The following SSC5D variants were observed in gnomAD, a reference collection of about 807,000 sequenced individuals.
SSC5D encodes the protein soluble scavenger receptor cysteine-rich domain-containing protein SSC5D.
In SSC5D, 106 loss-of-function variants were observed where a neutral mutation model predicts 104.6. The observed-to-expected ratio is 1.01, with a 90% CI of 0.87 to 1.19. SSC5D has a LOEUF of 1.19. Among genes scored for constraint, SSC5D ranks in the 50% most tolerant of loss-of-function variants. The pLI is 0.00. For missense variants in SSC5D, 1,993 were observed against 2,153.8 expected (o/e 0.93, Z 1.48); for synonymous variants, 860 against 883.5 (o/e 0.97, Z 0.47).
At chr19:55,508,544 A>G (rs1987687852) in intron 12 of SSC5D, among the ~76,000 whole-genome samples, 1 of 152,186 alleles carries the variant, frequency 6.6e-6, no homozygotes, top group Non-Finnish European at 1.5e-5. Flanking sequence ...CAAAAGGCTG[A>G]ACTTGGATTC....
In SSC5D at chr19:55,502,528, C is replaced by A. The variant is rs112423643; in HGVS notation, c.2785+1327C>A. On this transcript the variant is annotated intron_variant, in intron 12 of 13. Coordinates refer to ENST00000389623, the MANE Select transcript of SSC5D (RefSeq NM_001144950.2). ...TCTTTTTGTTTCATTATCAGTCTCA[C>A]ACTCTCATCTCTGTTTCTCACCTAG... Among the ~76,000 whole-genome samples, 439 of 152,044 alleles carry A rather than the reference C, an allele frequency of 2.9e-3. 5 individuals carry two copies. Among genetic ancestry groups the A allele is most frequent in the African/African-American group, 9.9e-3 (412 of 41,456 alleles).
At chr19:55,491,905 G>C (rs1440987132) in intron 6 of SSC5D, 1 of 152,334 alleles carries the variant, frequency 6.6e-6, no homozygotes, top group Admixed American at 6.5e-5. Flanking sequence ...GCAGGCAGAG[G>C]GCACCCACCT....
chr19:55,488,737 C>T, intron 1 of SSC5D, 123 bp downstream of exon 1: 4 of 891,680 alleles, frequency 4.5e-6, no homozygotes, highest in Non-Finnish European at 1.8e-6. Flanking sequence ...CATACCCTGA[C>T]ATCCCTTCTG....
At chr19:55,499,157 G>A (rs1295943738) in intron 9 of SSC5D, among the ~76,000 whole-genome samples, 1 of 152,178 alleles carries the variant, frequency 6.6e-6, no homozygotes, top group East Asian at 1.9e-4. Context: ...AAGTGCCCCA[G>A]GGAAAAAAAT....
At position 55,489,538 on chromosome 19, in the gene SSC5D, A is replaced by G. The variant is rs1320523327; in HGVS notation, c.237A>G (p.Ala79=). Residue 79 remains alanine (A), a synonymous_variant, in exon 3 of 14, where the codon GCA becomes GCG. Coordinates refer to ENST00000389623, the MANE Select transcript of SSC5D (RefSeq NM_001144950.2). ...APGGAFFGEG[A]GPVWLSELAC... is the part of the protein sequence containing the mutation. ...GAGGCGCCTTCTTCGGGGAGGGGGC[A>G]GGGCCTGTGTGGCTCAGCGAGCTGG... The G allele has an allele frequency of 6.7e-7, 1 of 1,486,416 alleles. No individual in the cohort carries two copies. Among genetic ancestry groups the G allele is most frequent in the Non-Finnish European group, 8.9e-7 (1 of 1,123,940 alleles). The allele number at this position is 1,486,416 out of a possible 1,614,324, so 92.1% of individuals were successfully genotyped here. A position where few individuals can be genotyped will look rare whatever the true frequency, so the allele number is the denominator to read the frequency against.
intron 4 of SSC5D, 82 bp from the exon 5 acceptor site, chr19:55,490,216 C>T (rs34980175): frequency 1.5e-6 from 1 of 646,892 alleles, no homozygotes; most frequent in Non-Finnish European, 2.8e-6. Flanking sequence ...ACTTCAGACC[C>T]TCAGAGACGG....
intron 8 of SSC5D, among the ~76,000 whole-genome samples, chr19:55,495,522 C>T (rs1322196082): frequency 6.6e-6 from 1 of 151,422 alleles, no homozygotes. Flanking sequence ...CGTGAGCCAC[C>T]GTGCCTGGTC....
chr19:55,494,748 C>T lies in SSC5D; in HGVS notation c.1352C>T (p.Ser451Phe). Residue 451 changes from serine (S) to phenylalanine (F), a missense_variant, in exon 8 of 14, where the codon TCC (serine) becomes TTC (phenylalanine). By Grantham distance (155) the Ser-to-Phe change is radical (BLOSUM62 -2). Transcript: ENST00000389623. Reference protein sequence around the residue: ...GTAGVSPPPASPTVLWEPGPE... With the variant: ...GTAGVSPPPAFPTVLWEPGPE... The stretch of plus-strand genomic sequence containing the variant: ...GCAGGCGTTTCACCTCCTCCAGCCT[C>T]CCCTACTGTCCTTTGGGAGCCTGGA... 1 of 1,548,770 alleles carries T rather than the reference C, an allele frequency of 6.5e-7. No homozygotes were observed. The highest frequency in any genetic ancestry group is 8.7e-7 in the Non-Finnish European group (1 of 1,145,770).
At chr19:55,510,881 C>T (rs373458285) in intron 12 of SSC5D, among the ~76,000 whole-genome samples, 9 of 149,756 alleles carry the variant, frequency 6.0e-5, no homozygotes, top group African/African-American at 2.0e-4. Flanking sequence ...TGGGTTCAGG[C>T]GATTCTCCCG....
rs1242314486 is a variant in SSC5D at position 55,500,489 on chromosome 19, G to C, written c.2303-1G>C. On this transcript the variant is annotated splice_acceptor_variant, in intron 10 of 13. Transcript: ENST00000389623. LOFTEE classifies it high-confidence loss of function. This position sits in a 1 kb window ranked among gnomAD's most constrained non-coding sequence, Gnocchi z 4.6. ...TCCTGACCTAAGGGCCTTCCACGCA[G>C]GCCTGTTCCGGGTTCGTCTGGCCGA... The C allele has an allele frequency of 6.4e-7, 1 of 1,551,236 alleles. No individual in the cohort carries two copies. The highest frequency in any genetic ancestry group is 2.0e-5 in the Admixed American group (1 of 50,982).
chr19:55,489,787 C>G, intron 3 of SSC5D, 95 bp from the exon 4 acceptor site: 1 of 1,482,632 alleles, frequency 6.7e-7, no homozygotes, highest in African/African-American at 1.4e-5. Flanking sequence ...CCCATCCCCT[C>G]CAAAGCCAGG....
Position 55,518,935 on chromosome 19 carries a change from C to T in SSC5D, c.4659C>T (p.Ser1553=). The T allele has an allele frequency of 1.3e-6, 2 of 1,550,402 alleles. No homozygotes were observed. The highest frequency in any genetic ancestry group is 2.4e-5 in the South Asian group (2 of 84,060). The change falls in exon 14 of 14, where the codon AGC becomes AGT. Residue 1553 remains serine, a synonymous_variant. Coordinates refer to ENST00000389623, the MANE Select transcript of SSC5D (RefSeq NM_001144950.2). ...TGGCAGAGATGGCCTGGACCACCAGCATGCCTGCACCAACCACCACTACCC... is the reference window on the plus strand; with the variant it reads ...TGGCAGAGATGGCCTGGACCACCAGTATGCCTGCACCAACCACCACTACCC... ...KRLAEMAWTT[S]MPAPTTTTPE...
rs1987117401 is a variant in SSC5D at position 55,490,787 on chromosome 19, T to C, written c.602T>C (p.Val201Ala). 4 of 1,540,100 alleles carry C rather than the reference T, an allele frequency of 2.6e-6. No homozygotes were observed. Among genetic ancestry groups the C allele is most frequent in the East Asian group, 2.4e-5 (1 of 40,862 alleles). Residue 201 changes from valine to alanine, a missense_variant, in exon 6 of 14, where the codon GTC becomes GCC. Coordinates refer to ENST00000389623, the MANE Select transcript of SSC5D (RefSeq NM_001144950.2). ...CACCCCACAGAGCGGCTGCGCCTGG[T>C]CTCTGGCCCCCACAGGTGCGCCGGA... is the stretch of plus-strand genomic sequence containing the variant. ...GAPRQERLRL[V>A]SGPHRCAGRL...
Position 55,518,650 on chromosome 19 carries a change from C to T in SSC5D, c.4374C>T (p.Thr1458=), listed in dbSNP as rs114996936. Residue 1458 remains threonine, a synonymous_variant, in exon 14 of 14, where the codon ACC becomes ACT. Transcript: ENST00000389623. ...ATCATCCTCCCCTTGACCCCCTCACCCTAGGGCCAACTCCTGGTCAGAGCC... is the reference window on the plus strand; with the variant it reads ...ATCATCCTCCCCTTGACCCCCTCACTCTAGGGCCAACTCCTGGTCAGAGCC... ...PLDHPPLDPL[T]LGPTPGQSPG... is the part of the protein sequence containing the mutation. The T allele has an allele frequency of 3.6e-4, 556 of 1,540,016 alleles. 4 individuals are homozygous for T. In the African/African-American group the frequency reaches 7.1e-3, roughly 20 times the overall value.
In SSC5D at chr19:55,517,288, C is replaced by T. The variant is rs1245559337; in HGVS notation, c.3012C>T (p.Pro1004=). 9.0e-6 allele frequency: 14 copies of T among 1,548,108 alleles called. No individual in the cohort carries two copies. The Admixed American group carries it at 2.7e-4, about 30-fold the overall frequency. The change falls in exon 14 of 14, where the codon CCC becomes CCT. Residue 1004 remains proline, a synonymous_variant. Coordinates refer to ENST00000389623, the MANE Select transcript of SSC5D (RefSeq NM_001144950.2). The stretch of plus-strand genomic sequence containing the variant: ...GGCCCGCTGCGACCAGGACAGCGCC[C>T]CCAACCCCGTCCCCAGGTCCCTCCG... ...PPRPAATRTA[P]PTPSPGPSAS...
At chr19:55,498,713 A>G (rs1987392187) in intron 9 of SSC5D, among the ~76,000 whole-genome samples, 1 of 152,218 alleles carries the variant, frequency 6.6e-6, no homozygotes, top group Admixed American at 6.5e-5. Flanking sequence ...GTCTTTGAAT[A>G]GCTCACAGCT....
In SSC5D at chr19:55,497,936, G is replaced by T; in HGVS notation, c.1444G>T (p.Val482Leu). 2 of 1,551,474 alleles carry T rather than the reference G, an allele frequency of 1.3e-6. No homozygotes were observed. Among genetic ancestry groups the T allele is most frequent in the South Asian group, 2.4e-5 (2 of 84,048 alleles). ...GPSKCSGRLE[V>L]WHDQRWGTVC... ...CAGCAAGTGCTCAGGTCGACTGGAG[G>T]TGTGGCATGACCAGCGCTGGGGGAC... is the stretch of plus-strand genomic sequence containing the variant. Residue 482 changes from valine to leucine, a missense_variant, in exon 9 of 14, where the codon GTG becomes TTG. Transcript: ENST00000389623.
chr19:55,503,906 C>G lies in SSC5D; in HGVS notation c.2785+2705C>G, dbSNP rs1987576391. On this transcript the variant is annotated intron_variant, in intron 12 of 13. Transcript: ENST00000389623. This position sits in a 1 kb window ranked among gnomAD's most constrained non-coding sequence, Gnocchi z 4.0. ...GGATGGGGCAGGCGTTCATCTGCCT[C>G]GCACCTCGTGACGTCACAGGCGCGC... Among the ~76,000 whole-genome samples the G allele has an allele frequency of 6.6e-6, 1 of 152,202 alleles. No homozygotes were observed. The highest frequency in any genetic ancestry group is 6.5e-5 in the Admixed American group (1 of 15,286).
chr19:55,498,566 G>C (rs1197184056), intron 9 of SSC5D, among the ~76,000 whole-genome samples: 2 of 152,208 alleles, frequency 1.3e-5, no homozygotes, highest in African/African-American at 4.8e-5. Flanking sequence ...AAGCAGGCAG[G>C]GCACTGGGAG....
Sources: allele counts gnomAD v4.1 joint callset (sites outside exome capture counted in the v4.1 genomes callset), GRCh38; gene constraint gnomAD v4.1.1; non-coding constraint Gnocchi (gnomAD v3.1); transcripts MANE v1.5; gene names NCBI Gene and HGNC (gene_info 2026-07-23, HGNC 2026-07-21).